Variants in CNTN4 observed in about 807,000 individuals in gnomAD.
CNTN4 encodes the protein contactin-4.
Under a neutral mutation model 122.5 loss-of-function variants are expected in CNTN4, and 77 were observed. The observed-to-expected ratio is 0.63, with a 90% CI of 0.52 to 0.76. The LOEUF is 0.76. Among genes scored for constraint, CNTN4 ranks in the 30% least tolerant of loss-of-function variants. The pLI is 0.00. For missense variants in CNTN4, 1,256 were observed against 1,259.1 expected, an observed-to-expected ratio of 1.00 and a Z score of 0.04; for synonymous variants, 512 against 447.0, an observed-to-expected ratio of 1.15 and a Z score of -1.83.
chr3:2,115,451 C>T (rs952434190), intron 2 of CNTN4, among the ~76,000 whole-genome samples: 1 of 152,200 alleles, frequency 6.6e-6, no homozygotes, highest in African/African-American at 2.4e-5. Context: ...GAGGTTCTTC[C>T]AGGTAACCCT....
chr3:2,348,426 C>T (rs1356736905), intron 3 of CNTN4, among the ~76,000 whole-genome samples: 2 of 152,084 alleles, frequency 1.3e-5, no homozygotes, highest in Non-Finnish European at 2.9e-5. Flanking sequence ...GACTATGTCT[C>T]CTGTCCCTCC....
chr3:2,606,350 G>C (rs1004156334), intron 4 of CNTN4, among the ~76,000 whole-genome samples: 1 of 152,140 alleles, frequency 6.6e-6, no homozygotes, highest in South Asian at 2.1e-4. Flanking sequence ...AGGGGTCGAG[G>C]GGGAGGGAGA....
At chr3:2,689,978 G>A (rs544455550) in intron 4 of CNTN4, among the ~76,000 whole-genome samples, 2 of 152,166 alleles carry the variant, frequency 1.3e-5, no homozygotes, top group South Asian at 4.1e-4. Context: ...AAGATCATAT[G>A]TCTTCTCATC....
chr3:2,669,268 A>C (rs1261535581), intron 4 of CNTN4, among the ~76,000 whole-genome samples: 2 of 152,026 alleles, frequency 1.3e-5, no homozygotes, highest in African/African-American at 2.4e-5. Flanking sequence ...TCAATTTCAG[A>C]GCCTGTTATT....
chr3:2,206,566 C>T (rs1281123166), intron 2 of CNTN4, among the ~76,000 whole-genome samples: 1 of 152,006 alleles, frequency 6.6e-6, no homozygotes, highest in African/African-American at 2.4e-5. Context: ...GCACTTGATT[C>T]TAAGACAGTG....
intron 3 of CNTN4, among the ~76,000 whole-genome samples, chr3:2,406,751 CAG>C (rs1404607264): frequency 1.3e-5 from 2 of 152,102 alleles, no homozygotes; most frequent in African/African-American, 2.4e-5. Context: ...TGAAATCTAA[CAG>C]AGAGACAATG....
At chr3:2,623,231 A>T (rs1167920883) in intron 4 of CNTN4, among the ~76,000 whole-genome samples, 5 of 146,588 alleles carry the variant, frequency 3.4e-5, no homozygotes, top group African/African-American at 1.0e-4. Flanking sequence ...ATGGAGACTA[A>T]TTTTTTTTTT....
chr3:2,508,585 A>G (rs957622379), intron 3 of CNTN4, among the ~76,000 whole-genome samples: 3 of 152,122 alleles, frequency 2.0e-5, no homozygotes, highest in Non-Finnish European at 4.4e-5. Flanking sequence ...CCCATCCCCC[A>G]GGTTCTTATT....
In CNTN4 at chr3:2,359,653, A is replaced by C. The variant is rs556510935; in HGVS notation, c.-89+20420A>C. 5.3e-5 allele frequency among the ~76,000 whole-genome samples: 8 copies of C among 151,984 alleles called. No individual in the cohort carries two copies. The South Asian group carries it at 1.5e-3, about 28-fold the overall frequency. ...CTCCCGAATTCACGCCATTCTCCTGACTCAGCCTCCAGAGTAGTTGGGACT... is the reference window on the plus strand; with the variant it reads ...CTCCCGAATTCACGCCATTCTCCTGCCTCAGCCTCCAGAGTAGTTGGGACT... On this transcript the variant is annotated intron_variant, in intron 3 of 24. Coordinates refer to ENST00000418658, the MANE Select transcript of CNTN4 (RefSeq NM_175607.3).
intron 2 of CNTN4, among the ~76,000 whole-genome samples, chr3:2,334,407 C>T (rs891725306): frequency 1.3e-5 from 2 of 152,278 alleles, no homozygotes; most frequent in South Asian, 4.1e-4. Context: ...GATCTGCCCC[C>T]TTCGGCCTTC....
At chr3:2,444,141 C>T (rs550364945) in intron 3 of CNTN4, among the ~76,000 whole-genome samples, 84 of 150,732 alleles carry the variant, frequency 5.6e-4, no homozygotes, top group African/African-American at 2.0e-3. Context: ...CTACTTTATA[C>T]CAAGTCCCGT....
In CNTN4 at chr3:2,988,618, T is replaced by C. The variant is rs114141568; in HGVS notation, c.1486+146T>C. The C allele has an allele frequency of 2.1e-3, 1,667 of 806,700 alleles. 17 individuals carry two copies. In the African/African-American group the frequency reaches 0.023, roughly 11 times the overall value. The allele number at this position is 806,700 out of a possible 1,614,324, so 50.0% of individuals were successfully genotyped here. ...ATTCATCACGGCAAACATGATATGA[T>C]TAATAATTCTTAGAAAACTGCTGGT... On this transcript the variant is annotated intron_variant, in intron 14 of 24. Coordinates refer to ENST00000418658, the MANE Select transcript of CNTN4 (RefSeq NM_175607.3).
chr3:2,823,482 A>G (rs2092921539), intron 7 of CNTN4, among the ~76,000 whole-genome samples: 1 of 152,198 alleles, frequency 6.6e-6, no homozygotes, highest in Non-Finnish European at 1.5e-5. Context: ...CTTGGTTTAT[A>G]TGTATGAATT....
rs963792945 is a variant in CNTN4 at position 2,276,999 on chromosome 3, A to T, written c.-144-62179A>T. 3.0e-4 allele frequency among the ~76,000 whole-genome samples: 45 copies of T among 152,316 alleles called. 1 individual carries two copies. The highest frequency in any genetic ancestry group is 1.1e-3 in the African/African-American group (45 of 41,576). ...TCCATATGCCACAGGATGGCTCAGG[A>T]TATCAATCTATATCTTAGAAAAATT... On this transcript the variant is annotated intron_variant, in intron 2 of 24. Coordinates refer to ENST00000418658, the MANE Select transcript of CNTN4 (RefSeq NM_175607.3).
intron 13 of CNTN4, among the ~76,000 whole-genome samples, chr3:2,984,820 TAA>T (rs1444905430): frequency 6.6e-6 from 1 of 152,262 alleles, no homozygotes; most frequent in Non-Finnish European, 1.5e-5. Context: ...TCATGAAAGA[TAA>T]GTCTGTACAT....
chr3:2,712,921 C>T (rs112795700), intron 4 of CNTN4, among the ~76,000 whole-genome samples: 2,630 of 152,302 alleles, frequency 0.017, 34 homozygotes, highest in Non-Finnish European at 0.021. Context: ...CCAAGCAGGG[C>T]GTGGAAGCTC....
At chr3:2,729,631 T>C (rs115296213) in intron 4 of CNTN4, among the ~76,000 whole-genome samples, 208 of 148,294 alleles carry the variant, frequency 1.4e-3, no homozygotes, top group African/African-American at 5.0e-3. Context: ...TTAGAATGCA[T>C]AGGCCAGGAG....
At chr3:2,640,988 T>A (rs1487030454) in intron 4 of CNTN4, among the ~76,000 whole-genome samples, 2 of 152,042 alleles carry the variant, frequency 1.3e-5, no homozygotes, top group Non-Finnish European at 2.9e-5. Context: ...GAGAAAAAAA[T>A]TGGAGGGAGG....
At chr3:2,651,615 C>T (rs2083361620) in intron 4 of CNTN4, among the ~76,000 whole-genome samples, 1 of 152,150 alleles carries the variant, frequency 6.6e-6, no homozygotes, top group South Asian at 2.1e-4. Context: ...CTTTGGGAGA[C>T]TGAGCCAGGA....
Sources: gnomAD v4.1 joint callset for allele counts (sites outside exome capture counted in the v4.1 genomes callset) on GRCh38, gnomAD v4.1.1 for gene constraint, MANE v1.5 for transcripts, NCBI Gene and HGNC (gene_info 2026-07-23, HGNC 2026-07-21) for gene names.